The following HERC4 variants were observed in gnomAD, a reference collection of about 807,000 sequenced individuals.
The protein encoded by HERC4 is probable E3 ubiquitin-protein ligase HERC4.
Under a neutral mutation model 124.3 loss-of-function variants are expected in HERC4, and 28 were observed. The ratio of observed to expected loss-of-function variants is 0.23; its 90% CI spans 0.17 to 0.31. The LOEUF (loss-of-function observed/expected upper bound fraction) is 0.31. Among genes scored for constraint, HERC4 ranks in the 10% least tolerant of loss-of-function variants. HERC4 has a pLI of 1.00. For missense variants in HERC4, 713 were observed against 1,229.3 expected, an observed-to-expected ratio of 0.58 and a Z score of 6.28; for synonymous variants, 407 against 421.5, an observed-to-expected ratio of 0.97 and a Z score of 0.42.
intron 3 of HERC4, among the ~76,000 whole-genome samples, chr10:68,059,618 A>ATTATATATCATAATATGATATATC (rs1353106442): frequency 2.2e-5 from 2 of 89,900 alleles, no homozygotes; most frequent in African/African-American, 1.3e-4. Flanking sequence ...TATATATCAT[A>ATTATATATCATAATATGATATATC]ATATTATATA....
intron 3 of HERC4, among the ~76,000 whole-genome samples, chr10:68,050,717 A>G (rs2040252691): frequency 1.3e-5 from 2 of 152,144 alleles, no homozygotes; most frequent in Non-Finnish European, 2.9e-5. Flanking sequence ...AATAATCTCA[A>G]CCATTTTTCC....
chr10:68,041,633 T>G (rs2039773710), intron 4 of HERC4, among the ~76,000 whole-genome samples: 1 of 152,188 alleles, frequency 6.6e-6, no homozygotes, highest in South Asian at 2.1e-4. Context: ...GCAGAACTTT[T>G]AAAAGATAAA....
chr10:68,025,246 GA>G (rs1300436905), intron 8 of HERC4, among the ~76,000 whole-genome samples: 2 of 150,632 alleles, frequency 1.3e-5, no homozygotes, highest in Admixed American at 1.3e-4. Context: ...GAAAAGAAAA[GA>G]AAAAAAGGTG....
At chr10:68,071,462 A>T (rs2041570612) in intron 3 of HERC4, among the ~76,000 whole-genome samples, 1 of 152,246 alleles carries the variant, frequency 6.6e-6, no homozygotes, top group Admixed American at 6.5e-5. Context: ...AAAGTAATAC[A>T]GAGAGATGTT....
chr10:68,040,119 T>C (rs1254207429), intron 4 of HERC4: 5 of 966,506 alleles, frequency 5.2e-6, no homozygotes, highest in Admixed American at 6.2e-5. Flanking sequence ...GATAACTACA[T>C]TTGTAAGGTC....
At chr10:67,944,709 T>G (rs2033188744) in intron 19 of HERC4, among the ~76,000 whole-genome samples, 1 of 152,004 alleles carries the variant, frequency 6.6e-6, no homozygotes. Flanking sequence ...AAATCCAAGA[T>G]AACACAGAAA....
chr10:67,955,572 G>A, intron 17 of HERC4: 2 of 153,156 alleles, frequency 1.3e-5, no homozygotes, highest in Non-Finnish European at 2.9e-5. Flanking sequence ...AGGAGTTCAA[G>A]ACCAGCCTGG....
intron 9 of HERC4, among the ~76,000 whole-genome samples, chr10:68,006,795 T>C (rs1030282528): frequency 2.6e-5 from 4 of 152,194 alleles, no homozygotes; most frequent in African/African-American, 9.6e-5. Flanking sequence ...TTTAAATATG[T>C]CATGCCATTC....
At chr10:68,038,591 T>C (rs996267507) in intron 4 of HERC4, among the ~76,000 whole-genome samples, 2 of 152,236 alleles carry the variant, frequency 1.3e-5, no homozygotes, top group Admixed American at 6.5e-5. Flanking sequence ...CCTAGTTTAA[T>C]GCACGTTCTC....
chr10:67,967,921 A>AT (rs2132464936), intron 15 of HERC4, among the ~76,000 whole-genome samples: 1 of 151,764 alleles, frequency 6.6e-6, no homozygotes, highest in South Asian at 2.1e-4. Context: ...ATTGAAAAAA[A>AT]AAGGAGCTAT....
intron 19 of HERC4, among the ~76,000 whole-genome samples, chr10:67,951,639 G>C (rs139337813): frequency 3.3e-5 from 5 of 152,140 alleles, no homozygotes. Context: ...CTCACAAATG[G>C]TGTCACTTTT....
intron 3 of HERC4, among the ~76,000 whole-genome samples, chr10:68,060,437 C>T (rs1162712190): frequency 6.6e-6 from 1 of 152,118 alleles, no homozygotes; most frequent in Non-Finnish European, 1.5e-5. Flanking sequence ...GATGGAGTTT[C>T]ACCATGTTGG....
rs111550670 is a variant in HERC4, at chr10:67,939,721, GATAT to G, written c.2505-71_2505-68del. The G allele has an allele frequency of 4.4e-3, 2,715 of 617,838 alleles. 1 individual carries two copies. The highest frequency in any genetic ancestry group is 5.0e-3 in the Middle Eastern group (11 of 2,184). The allele number at this position is 617,838 out of a possible 1,614,324, so 38.3% of individuals were successfully genotyped here. A position where few individuals can be genotyped will look rare whatever the true frequency, so the allele number is the denominator to read the frequency against. Reference sequence around the variant, plus strand: ...GGATATTTTGACTATTTTACTTATGGATATATATATATATATATACTTCTCATTC... The same window carrying G: ...GGATATTTTGACTATTTTACTTATGGATATATATATATATACTTCTCATTC... On this transcript the variant is annotated intron_variant, in intron 20 of 24. Transcript: ENST00000373700.
intron 3 of HERC4, among the ~76,000 whole-genome samples, chr10:68,070,927 T>C (rs1275232794): frequency 6.6e-6 from 1 of 152,226 alleles, no homozygotes; most frequent in East Asian, 1.9e-4. Context: ...CCCATAATAT[T>C]TCCCATCATT....
chr10:68,004,699 A>T (rs925122021), intron 9 of HERC4, among the ~76,000 whole-genome samples: 1 of 152,220 alleles, frequency 6.6e-6, no homozygotes, highest in African/African-American at 2.4e-5. Context: ...GGAGACTTAT[A>T]ATCATGGCAG....
intron 15 of HERC4, among the ~76,000 whole-genome samples, chr10:67,985,666 C>T (rs899523858): frequency 1.3e-5 from 2 of 152,170 alleles, no homozygotes; most frequent in African/African-American, 2.4e-5. Flanking sequence ...TAATGTACTA[C>T]GTGGAACTCG....
intron 4 of HERC4, 175 bp from the exon 5 acceptor site, chr10:68,038,344 G>T: frequency 8.0e-6 from 3 of 375,540 alleles, no homozygotes; most frequent in Non-Finnish European, 9.2e-6. Context: ...GTAAACAAGA[G>T]CTAGATACAA....
chr10:68,010,612 C>T lies in HERC4; in HGVS notation c.1069+3414G>A, dbSNP rs899086514. The T allele has an allele frequency of 2.0e-4, 280 of 1,368,572 alleles. 2 individuals are homozygous for T. The East Asian group carries it at 6.4e-3, about 31-fold the overall frequency. 84.8% of individuals were successfully genotyped at this position (1,368,572 alleles called of 1,614,324 possible). On this transcript the variant is annotated intron_variant, in intron 9 of 24. Transcript: ENST00000373700. ...TTTCAGGCCTGCACGAGGGTTTCGG[C>T]TTTGCATATCTCCTGAATATTTTCA... is the stretch of plus-strand genomic sequence containing the variant.
At chr10:68,038,211 T>C in intron 4 of HERC4, 42 bp from the exon 5 acceptor site, 1 of 979,518 alleles carries the variant, frequency 1.0e-6, no homozygotes, top group Non-Finnish European at 1.5e-6. Flanking sequence ...TAATTCCATT[T>C]AACAAATTGA....
Sources: allele counts gnomAD v4.1 joint callset (sites outside exome capture counted in the v4.1 genomes callset), GRCh38; gene constraint gnomAD v4.1.1; transcripts MANE v1.5; gene names NCBI Gene and HGNC (gene_info 2026-07-23, HGNC 2026-07-21).